The following NOX4 variants were observed in gnomAD, a reference collection of about 807,000 sequenced individuals.
The protein encoded by NOX4 is kidney oxidase-1.
A neutral mutation model predicts 87.6 loss-of-function variants in NOX4; 69 were observed. That is an observed-to-expected ratio of 0.79 (90% CI 0.65 to 0.96). The LOEUF is 0.96. NOX4 is among the 40% of genes least tolerant of loss of function. The probability of loss-of-function intolerance (pLI) is 0.00; values close to 1 mark genes in which losing one functional copy is unlikely to be tolerated. For synonymous variants in NOX4, 275 were observed against 238.2 expected (o/e 1.15, Z -1.42); for missense variants, 680 against 681.5 (o/e 1.00, Z 0.02).
intron 2 of NOX4, among the ~76,000 whole-genome samples, chr11:89,460,848 C>T (rs556352552): frequency 6.6e-6 from 1 of 152,270 alleles, no homozygotes; most frequent in East Asian, 1.9e-4. Context: ...GCTGTAAAGA[C>T]ACATGCACAC....
At chr11:89,386,276 G>T (rs1472661799) in intron 11 of NOX4, among the ~76,000 whole-genome samples, 3 of 152,078 alleles carry the variant, frequency 2.0e-5, no homozygotes, top group Non-Finnish European at 4.4e-5. Flanking sequence ...ACTATCTTCT[G>T]TCTAGTCAAA....
chr11:89,568,422 T>A, the NOX4 span, among the ~76,000 whole-genome samples: 1 of 151,644 alleles, frequency 6.6e-6, no homozygotes, highest in African/African-American at 2.4e-5. Flanking sequence ...TAAAACACAA[T>A]CCCATCCACA....
intron 4 of NOX4, among the ~76,000 whole-genome samples, chr11:89,444,932 A>G (rs1271666965): frequency 6.6e-6 from 1 of 152,158 alleles, no homozygotes; most frequent in Non-Finnish European, 1.5e-5. Context: ...AAGCTAGGGT[A>G]ATAAAAATTA....
chr11:89,549,649 T>G, the NOX4 span, among the ~76,000 whole-genome samples: 1 of 152,104 alleles, frequency 6.6e-6, no homozygotes, highest in Non-Finnish European at 1.5e-5. Context: ...TTTTCCCACA[T>G]CCCCAAACAG....
chr11:89,422,775 G>GA (rs571902621), intron 7 of NOX4, among the ~76,000 whole-genome samples: 186 of 147,872 alleles, frequency 1.3e-3, no homozygotes, highest in South Asian at 9.3e-3. Context: ...ACCATCCCTT[G>GA]TAACATATAC....
intron 2 of NOX4, among the ~76,000 whole-genome samples, chr11:89,460,013 T>G (rs1405438307): frequency 1.3e-5 from 2 of 152,138 alleles, no homozygotes; most frequent in Non-Finnish European, 2.9e-5. Flanking sequence ...ACCACACATC[T>G]ACAACCATCT....
At chr11:89,542,130 T>C in the NOX4 span, among the ~76,000 whole-genome samples, 114 of 152,298 alleles carry the variant, frequency 7.5e-4, no homozygotes, top group African/African-American at 2.6e-3. Flanking sequence ...GTTTAACACC[T>C]CATGGTTGCT....
chr11:89,419,899 C>T (rs1942996807), intron 8 of NOX4, among the ~76,000 whole-genome samples: 1 of 151,634 alleles, frequency 6.6e-6, no homozygotes, highest in African/African-American at 2.4e-5. Context: ...TTTAGTAAAA[C>T]ATAAAGGCAA....
At chr11:89,440,648 G>A (rs752383777) in intron 6 of NOX4, 40 bp downstream of exon 6, 2 of 1,427,672 alleles carry the variant, frequency 1.4e-6, no homozygotes, top group East Asian at 4.7e-5. Flanking sequence ...TTTTAAAGAT[G>A]TTCCTAAACC....
intron 12 of NOX4, among the ~76,000 whole-genome samples, chr11:89,371,681 GA>G (rs886898997): frequency 3.7e-4 from 54 of 144,688 alleles, no homozygotes; most frequent in African/African-American, 1.1e-3. Context: ...CAAAACAGTA[GA>G]AAAAAAAAAC....
the NOX4 span, among the ~76,000 whole-genome samples, chr11:89,585,451 A>G: frequency 6.6e-6 from 1 of 152,186 alleles, no homozygotes; most frequent in Non-Finnish European, 1.5e-5. Context: ...AAACTTCTAG[A>G]ACATGGTTAA....
rs376339090 is a variant in NOX4 at position 89,375,797 on chromosome 11, C to T, written c.1075-2305G>A. On this transcript the variant is annotated intron_variant, in intron 11 of 17. Transcript: ENST00000263317. ...CCAACAGAGATCTGAGCTACCAATCCGATTGTCCACATGTCACTGGATGTC... is the reference window on the plus strand; with the variant it reads ...CCAACAGAGATCTGAGCTACCAATCTGATTGTCCACATGTCACTGGATGTC... 9.9e-3 allele frequency among the ~76,000 whole-genome samples: 1,503 copies of T among 152,210 alleles called. 12 individuals are homozygous for T. Among genetic ancestry groups the T allele is most frequent in the Middle Eastern group, 0.041 (12 of 294 alleles).
At chr11:89,510,596 CTA>C in the NOX4 span, among the ~76,000 whole-genome samples, 1 of 151,956 alleles carries the variant, frequency 6.6e-6, no homozygotes, top group African/African-American at 2.4e-5. Context: ...AGAAGACACT[CTA>C]TACTTGAGTG....
At chr11:89,479,557 A>G (rs1014332787) in intron 2 of NOX4, among the ~76,000 whole-genome samples, 9 of 152,202 alleles carry the variant, frequency 5.9e-5, no homozygotes, top group African/African-American at 2.2e-4. Context: ...CCCTTAAAAT[A>G]TATCAGACCT....
chr11:89,495,412 A>G (rs1025578454), upstream of NOX4, among the ~76,000 whole-genome samples: 2 of 151,766 alleles, frequency 1.3e-5, no homozygotes, highest in South Asian at 2.1e-4. Flanking sequence ...CTCCTCTTCA[A>G]TCTGTGTGTG....
At chr11:89,456,402 A>G (rs532421274) in intron 2 of NOX4, among the ~76,000 whole-genome samples, 2 of 152,188 alleles carry the variant, frequency 1.3e-5, no homozygotes, top group Non-Finnish European at 2.9e-5. Context: ...AGAAAGTAGG[A>G]CAAGACCCAA....
Position 89,432,769 on chromosome 11 carries a change from G to C in NOX4, c.548+15C>G, listed in dbSNP as rs78092018. 1.2e-3 allele frequency: 1,837 copies of C among 1,573,728 alleles called. 18 individuals are homozygous for C. The African/African-American group carries it at 0.023, about 19-fold the overall frequency. On this transcript the variant is annotated intron_variant, in intron 7 of 17. Coordinates refer to ENST00000263317, the MANE Select transcript of NOX4 (RefSeq NM_016931.5). ...CTGACAGATACACATCAAAATAATTGATTCTGACACTTACCTTATTGCATA... is the reference window on the plus strand; with the variant it reads ...CTGACAGATACACATCAAAATAATTCATTCTGACACTTACCTTATTGCATA...
chr11:89,352,023 T>C (rs1209186947), intron 13 of NOX4, among the ~76,000 whole-genome samples: 2 of 152,184 alleles, frequency 1.3e-5, no homozygotes, highest in Non-Finnish European at 2.9e-5. Flanking sequence ...GTTAAATACT[T>C]CATGTTCTCA....
At chr11:89,535,002 A>G in the NOX4 span, among the ~76,000 whole-genome samples, 1 of 152,220 alleles carries the variant, frequency 6.6e-6, no homozygotes, top group Non-Finnish European at 1.5e-5. Flanking sequence ...ATTTCATAAA[A>G]CTGAAAAGCA....
Sources: gnomAD v4.1 joint callset for allele counts (sites outside exome capture counted in the v4.1 genomes callset) on GRCh38, gnomAD v4.1.1 for gene constraint, MANE v1.5 for transcripts, NCBI Gene and HGNC (gene_info 2026-07-23, HGNC 2026-07-21) for gene names.